Variants in PRKCE observed in about 807,000 individuals in gnomAD.
PRKCE encodes protein kinase C epsilon type.
Under a neutral mutation model 85.4 loss-of-function variants are expected in PRKCE, and 16 were observed. The ratio of observed to expected loss-of-function variants is 0.19; its 90% CI spans 0.13 to 0.28. PRKCE has a LOEUF of 0.28. PRKCE is among the 10% of genes least tolerant of loss of function. The probability of loss-of-function intolerance (pLI) is 1.00; values close to 1 mark genes in which losing one functional copy is unlikely to be tolerated. For missense variants in PRKCE, 573 were observed against 975.2 expected, an observed-to-expected ratio of 0.59 and a Z score of 5.49; for synonymous variants, 388 against 371.5, an observed-to-expected ratio of 1.04 and a Z score of -0.51.
intron 2 of PRKCE, among the ~76,000 whole-genome samples, chr2:45,912,364 G>T (rs1697445313): frequency 6.6e-6 from 1 of 152,148 alleles, no homozygotes; most frequent in African/African-American, 2.4e-5. Context: ...CCCTGGTGGT[G>T]AGCTCCAGGT....
intron 2 of PRKCE, among the ~76,000 whole-genome samples, chr2:45,945,493 C>G (rs1482170471): frequency 1.3e-5 from 2 of 152,198 alleles, no homozygotes; most frequent in African/African-American, 4.8e-5. Context: ...CACCTCCCAC[C>G]AGGTCCCACC....
chr2:46,012,667 G>T (rs1194256305), intron 10 of PRKCE, among the ~76,000 whole-genome samples: 1 of 152,176 alleles, frequency 6.6e-6, no homozygotes, highest in Non-Finnish European at 1.5e-5. Context: ...AGTTGTGAGG[G>T]CTCTATGGAG....
At chr2:45,931,082 C>G (rs1041305129) in intron 2 of PRKCE, among the ~76,000 whole-genome samples, 2 of 152,228 alleles carry the variant, frequency 1.3e-5, no homozygotes, top group African/African-American at 4.8e-5. Context: ...AGGCCAACAA[C>G]ATTACATGAC....
intron 2 of PRKCE, among the ~76,000 whole-genome samples, chr2:45,849,267 T>G (rs1268919585): frequency 6.6e-6 from 1 of 152,184 alleles, no homozygotes; most frequent in Non-Finnish European, 1.5e-5. Flanking sequence ...TTTGGTCAAG[T>G]CTGGGACACT....
At chr2:46,110,806 G>A (rs1672186823) in intron 11 of PRKCE, among the ~76,000 whole-genome samples, 1 of 151,776 alleles carries the variant, frequency 6.6e-6, no homozygotes, top group South Asian at 2.1e-4. Flanking sequence ...AGTTTTTCTT[G>A]TTTTTTAATG....
At chr2:46,091,651 T>C (rs1670180935) in intron 11 of PRKCE, among the ~76,000 whole-genome samples, 1 of 152,200 alleles carries the variant, frequency 6.6e-6, no homozygotes, top group Admixed American at 6.5e-5. Flanking sequence ...GTAGGGATGA[T>C]AGTTATACCT....
At chr2:45,981,723 T>C (rs1702903946) in intron 5 of PRKCE, among the ~76,000 whole-genome samples, 3 of 152,216 alleles carry the variant, frequency 2.0e-5, no homozygotes, top group Admixed American at 2.0e-4. Flanking sequence ...CCTTATTTCC[T>C]TCCTATGGAC....
intron 2 of PRKCE, among the ~76,000 whole-genome samples, chr2:45,923,151 T>C (rs1302502568): frequency 6.6e-6 from 1 of 152,042 alleles, no homozygotes; most frequent in Non-Finnish European, 1.5e-5. Flanking sequence ...AATAGAGGAG[T>C]AGGCCTTGCT....
chr2:45,990,852 G>A (rs1028357983), intron 6 of PRKCE, among the ~76,000 whole-genome samples: 6 of 151,860 alleles, frequency 4.0e-5, no homozygotes, highest in South Asian at 2.1e-4. Context: ...AATAGAGACA[G>A]GGTTTCACCA....
chr2:45,966,315 A>G (rs1242693270), intron 2 of PRKCE, among the ~76,000 whole-genome samples: 2 of 152,222 alleles, frequency 1.3e-5, no homozygotes, highest in Non-Finnish European at 2.9e-5. Flanking sequence ...GTGAGATACT[A>G]TCTCGCACGT....
At chr2:46,157,073 C>A (rs1039803046) in intron 13 of PRKCE, among the ~76,000 whole-genome samples, 5 of 152,214 alleles carry the variant, frequency 3.3e-5, no homozygotes, top group African/African-American at 1.2e-4. Context: ...GGCATATCTT[C>A]ATTGGTTCTG....
chr2:45,914,446 A>G (rs1461870722), intron 2 of PRKCE, among the ~76,000 whole-genome samples: 1 of 152,120 alleles, frequency 6.6e-6, no homozygotes, highest in Non-Finnish European at 1.5e-5. Context: ...TGTGCTGTAG[A>G]TCTAGATTTA....
intron 1 of PRKCE, among the ~76,000 whole-genome samples, chr2:45,664,756 A>C (rs1221011797): frequency 1.3e-5 from 2 of 152,204 alleles, no homozygotes; most frequent in African/African-American, 4.8e-5. Context: ...ACATTGTTGC[A>C]TTTTGACCTG....
rs1698001630 is a variant in PRKCE, at chr2:45,918,467, T to C, written c.413-57962T>C. ...ATACATATTTAAGATTCAGCCTCTATTCAACTAGCATTTTGCAAGGACTGT... is the reference window on the plus strand; with the variant it reads ...ATACATATTTAAGATTCAGCCTCTACTCAACTAGCATTTTGCAAGGACTGT... On this transcript the variant is annotated intron_variant, in intron 2 of 14. Coordinates refer to ENST00000306156, the MANE Select transcript of PRKCE (RefSeq NM_005400.3). Among the ~76,000 whole-genome samples the C allele has an allele frequency of 2.0e-5, 3 of 152,198 alleles. No individual in the cohort carries two copies. In the South Asian group the frequency reaches 6.2e-4, roughly 31 times the overall value.
At chr2:45,687,095 T>G (rs1448468867) in intron 1 of PRKCE, among the ~76,000 whole-genome samples, 1 of 152,074 alleles carries the variant, frequency 6.6e-6, no homozygotes, top group Non-Finnish European at 1.5e-5. Flanking sequence ...GAGATTGATA[T>G]ATTAAATTTC....
At chr2:45,691,238 G>A (rs1246860054) in intron 1 of PRKCE, among the ~76,000 whole-genome samples, 1 of 152,142 alleles carries the variant, frequency 6.6e-6, no homozygotes, top group African/African-American at 2.4e-5. Flanking sequence ...TTCCGTGGCA[G>A]GAATAGTCAT....
At chr2:45,681,487 A>G (rs1200313002) in intron 1 of PRKCE, among the ~76,000 whole-genome samples, 5 of 152,090 alleles carry the variant, frequency 3.3e-5, no homozygotes, top group Admixed American at 6.6e-5. Flanking sequence ...AAGTTGTCAG[A>G]GTACCCAGGT....
intron 10 of PRKCE, among the ~76,000 whole-genome samples, chr2:46,048,348 G>A (rs889332219): frequency 6.6e-6 from 1 of 152,194 alleles, no homozygotes; most frequent in East Asian, 1.9e-4. Flanking sequence ...AAAGTCTCAA[G>A]GGTATTAACA....
intron 1 of PRKCE, among the ~76,000 whole-genome samples, chr2:45,753,761 G>C (rs186186578): frequency 2.0e-5 from 3 of 152,072 alleles, no homozygotes; most frequent in Admixed American, 6.5e-5. Flanking sequence ...TAACATTTTT[G>C]CTTCATCTTT....
Sources: gnomAD v4.1 joint callset for allele counts (sites outside exome capture counted in the v4.1 genomes callset) on GRCh38, gnomAD v4.1.1 for gene constraint, MANE v1.5 for transcripts, NCBI Gene and HGNC (gene_info 2026-07-23, HGNC 2026-07-21) for gene names.